FSHR: variants seen among roughly 807,000 people sequenced by gnomAD.
FSHR encodes the protein follicle-stimulating hormone receptor.
Under a neutral mutation model 52.1 loss-of-function variants are expected in FSHR, and 46 were observed. That is an observed-to-expected ratio of 0.88 (90% confidence interval 0.70 to 1.13). The LOEUF (loss-of-function observed/expected upper bound fraction) is 1.13. FSHR is among the 50% of genes most tolerant of loss of function. The pLI is 0.00. For synonymous variants in FSHR, 399 were observed against 309.6 expected, an observed-to-expected ratio of 1.29 and a Z score of -3.03; for missense variants, 964 against 834.6, an observed-to-expected ratio of 1.16 and a Z score of -1.91.
At chr2:49,016,693 T>C (rs1667502279) in intron 4 of FSHR, among the ~76,000 whole-genome samples, 1 of 152,204 alleles carries the variant, frequency 6.6e-6, no homozygotes, top group South Asian at 2.1e-4. Context: ...AAATGACAAG[T>C]AGTTGTTGCT....
At chr2:48,980,924 A>G (rs564362295) in intron 8 of FSHR, among the ~76,000 whole-genome samples, 5 of 152,292 alleles carry the variant, frequency 3.3e-5, no homozygotes, top group Admixed American at 2.6e-4. Context: ...GGTACAGGTC[A>G]CATATATAAA....
Position 48,962,684 on chromosome 2 carries a change from G to T in FSHR, c.*49C>A. On this transcript the variant is annotated 3_prime_UTR_variant, in exon 10 of 10. Transcript: ENST00000406846. ...GCTCTTTGTGACATACCCTTCAAAG[G>T]CAAGACTGAATTATCATTCAATACT... 1 of 1,569,466 alleles carries T rather than the reference G, an allele frequency of 6.4e-7. No individual in the cohort carries two copies. The highest frequency in any genetic ancestry group is 1.1e-5 in the South Asian group (1 of 90,066).
Position 49,068,272 on chromosome 2 carries a change from C to G in FSHR, c.171G>C (p.Lys57Asn), listed in dbSNP as rs776243997. ...ATGCACCTTTTTGGATGACTCGAAG[C>G]TTGGTGAGGACAAACCTCCTGCAAA... ...NAIELRFVLT[K>N]LRVIQKGAFS... The change falls in exon 2 of 10, where the codon AAG (lysine) becomes AAC (asparagine). Residue 57 changes from lysine to asparagine, a missense_variant. Coordinates refer to ENST00000406846, the MANE Select transcript of FSHR (RefSeq NM_000145.4). 6.2e-7 allele frequency: 1 copy of G among 1,611,616 alleles called. No homozygotes were observed. The highest frequency in any genetic ancestry group is 8.5e-7 in the Non-Finnish European group (1 of 1,178,646).
At chr2:49,099,709 G>A (rs1670953407) in intron 1 of FSHR, among the ~76,000 whole-genome samples, 1 of 152,114 alleles carries the variant, frequency 6.6e-6, no homozygotes, top group Non-Finnish European at 1.5e-5. Flanking sequence ...GGAAATGGAA[G>A]AGATTGGAGT....
intron 4 of FSHR, among the ~76,000 whole-genome samples, chr2:49,006,511 T>C (rs2104165453): frequency 6.6e-6 from 1 of 152,234 alleles, no homozygotes; most frequent in East Asian, 1.9e-4. Context: ...CGTGGTTATT[T>C]CATTCTATTC....
intron 1 of FSHR, among the ~76,000 whole-genome samples, chr2:49,132,062 G>A (rs1225548352): frequency 6.6e-6 from 1 of 152,176 alleles, no homozygotes; most frequent in Non-Finnish European, 1.5e-5. Flanking sequence ...CATTAAAAGA[G>A]TCTATGTGTC....
chr2:49,038,630 AATAATAATAATAATAAT>A (rs1668373809), intron 2 of FSHR, among the ~76,000 whole-genome samples: 1 of 47,958 alleles, frequency 2.1e-5, no homozygotes, highest in East Asian at 5.3e-4. Flanking sequence ...GTCTCAAAAT[AATAATAATAATAATAAT>A]AATAATAATA....
At chr2:49,086,651 G>T (rs1670403754) in intron 1 of FSHR, among the ~76,000 whole-genome samples, 1 of 152,062 alleles carries the variant, frequency 6.6e-6, no homozygotes, top group African/African-American at 2.4e-5. Context: ...TTTTTAATTT[G>T]TGTTTTTGAG....
At chr2:49,048,720 C>T (rs2104297245) in intron 2 of FSHR, among the ~76,000 whole-genome samples, 1 of 152,294 alleles carries the variant, frequency 6.6e-6, no homozygotes, top group Admixed American at 6.5e-5. Flanking sequence ...CCCCTAGCTC[C>T]TGGACTTTTC....
At chr2:49,137,112 T>C (rs1167782710) in intron 1 of FSHR, among the ~76,000 whole-genome samples, 1 of 152,086 alleles carries the variant, frequency 6.6e-6, no homozygotes, top group African/African-American at 2.4e-5. Context: ...GAAAGTCCTA[T>C]GGAATCCACT....
chr2:49,108,993 G>A (rs143970304), intron 1 of FSHR, among the ~76,000 whole-genome samples: 382 of 152,268 alleles, frequency 2.5e-3, no homozygotes, highest in Non-Finnish European at 3.0e-3. Flanking sequence ...CATTAAGCAC[G>A]CCTGCTGGGC....
In FSHR at chr2:49,127,870, TCTTCTTCTTCTTCTTCTTCTTCTTC is replaced by T. The variant is rs1558456951; in HGVS notation, c.152+26371_152+26395del. The stretch of plus-strand genomic sequence containing the variant: ...TTCTTCTTCTTCTTCTTCTTCTTCT[TCTTCTTCTTCTTCTTCTTCTTCTTC>T]TTCTTTTTTTTTTTTGAGACGGAGT... On this transcript the variant is annotated intron_variant, in intron 1 of 9. Transcript: ENST00000406846. Among the ~76,000 whole-genome samples, 26 of 44,740 alleles carry T rather than the reference TCTTCTTCTTCTTCTTCTTCTTCTTC, an allele frequency of 5.8e-4. 1 individual carries two copies. Among genetic ancestry groups the T allele is most frequent in the East Asian group, 2.4e-3 (2 of 830 alleles). The allele number at this position is 44,740 out of a possible 152,430, so 29.4% of individuals were successfully genotyped here.
At chr2:49,050,338 A>G (rs1268871090) in intron 2 of FSHR, among the ~76,000 whole-genome samples, 1 of 152,170 alleles carries the variant, frequency 6.6e-6, no homozygotes, top group African/African-American at 2.4e-5. Context: ...ACTTGAAAGG[A>G]AAATAGCTCC....
chr2:49,136,258 T>A (rs1185005456), intron 1 of FSHR, among the ~76,000 whole-genome samples: 1 of 152,090 alleles, frequency 6.6e-6, no homozygotes, highest in Non-Finnish European at 1.5e-5. Flanking sequence ...AGATAATTTA[T>A]AACTTAGATA....
At chr2:49,025,161 G>A (rs1257742580) in intron 2 of FSHR, among the ~76,000 whole-genome samples, 2 of 152,178 alleles carry the variant, frequency 1.3e-5, no homozygotes, top group Non-Finnish European at 2.9e-5. Flanking sequence ...CGCACAGGAG[G>A]GAAGCTTCTT....
chr2:49,134,875 T>G (rs1327557661), intron 1 of FSHR, among the ~76,000 whole-genome samples: 1 of 150,938 alleles, frequency 6.6e-6, no homozygotes, highest in Non-Finnish European at 1.5e-5. Flanking sequence ...TGAGATCACA[T>G]GGACACAGGA....
chr2:49,093,850 G>A (rs1326371624), intron 1 of FSHR, among the ~76,000 whole-genome samples: 1 of 151,882 alleles, frequency 6.6e-6, no homozygotes, highest in Non-Finnish European at 1.5e-5. Context: ...ATCCACCTTG[G>A]CCTTCCAAAT....
chr2:48,971,597 C>T (rs1237828500), intron 8 of FSHR, among the ~76,000 whole-genome samples: 1 of 152,174 alleles, frequency 6.6e-6, no homozygotes, highest in East Asian at 1.9e-4. Context: ...GTATTTTATA[C>T]ATAGTCCCCT....
chr2:49,088,761 C>G (rs973280241), intron 1 of FSHR, among the ~76,000 whole-genome samples: 1 of 152,142 alleles, frequency 6.6e-6, no homozygotes, highest in African/African-American at 2.4e-5. Flanking sequence ...GGATAAACTT[C>G]CTTTTAGAGT....
Sources: gnomAD v4.1 joint callset for allele counts (sites outside exome capture counted in the v4.1 genomes callset) on GRCh38, gnomAD v4.1.1 for gene constraint, MANE v1.5 for transcripts, NCBI Gene and HGNC (gene_info 2026-07-23, HGNC 2026-07-21) for gene names.